NMU: variants seen among roughly 807,000 people sequenced by gnomAD.
NMU encodes the protein neuromedin U.
A neutral mutation model predicts 35.4 loss-of-function variants in NMU; 29 were observed. The ratio of observed to expected loss-of-function variants is 0.82; its 90% CI spans 0.61 to 1.12. The LOEUF (loss-of-function observed/expected upper bound fraction) is 1.12. Ranked by LOEUF, NMU falls within the 50% of genes most tolerant of loss-of-function variation. The pLI, the probability that NMU is intolerant of heterozygous loss-of-function variation, is 0.00. For missense variants in NMU, 199 were observed against 206.2 expected (o/e 0.97, Z 0.21); for synonymous variants, 78 against 81.3 (o/e 0.96, Z 0.22).
Position 55,636,024 on chromosome 4 carries a change from T to G in NMU, c.112+57A>C. ...AAAGAGGGTGGAGGAGAGCGGTGAGTGGAGCCAGAGAGAGGCGCGCATGGC... is the reference window on the plus strand; with the variant it reads ...AAAGAGGGTGGAGGAGAGCGGTGAGGGGAGCCAGAGAGAGGCGCGCATGGC... On this transcript the variant is annotated intron_variant, in intron 1 of 9. Coordinates refer to ENST00000264218, the MANE Select transcript of NMU (RefSeq NM_006681.4). This position sits in a 1 kb window ranked among gnomAD's most constrained non-coding sequence, Gnocchi z 4.0. 2 of 1,532,522 alleles carry G rather than the reference T, an allele frequency of 1.3e-6. No homozygotes were observed. The highest frequency in any genetic ancestry group is 1.7e-6 in the Non-Finnish European group (2 of 1,146,056). 94.9% of individuals were successfully genotyped at this position (1,532,522 alleles called of 1,614,324 possible). A position where few individuals can be genotyped will look rare whatever the true frequency, so the allele number is the denominator to read the frequency against.
At chr4:55,612,658 T>G (rs1451191881) in intron 3 of NMU, among the ~76,000 whole-genome samples, 1 of 152,222 alleles carries the variant, frequency 6.6e-6, no homozygotes, top group Non-Finnish European at 1.5e-5. Flanking sequence ...GAAAACAGTT[T>G]CTAAGCTGGA....
chr4:55,616,490 A>G, intron 2 of NMU, 105 bp from the exon 3 acceptor site: 1 of 874,754 alleles, frequency 1.1e-6, no homozygotes, highest in Non-Finnish European at 1.9e-6. Context: ...CCACAGTTCC[A>G]TGATAGTTTA....
chr4:55,599,171 C>T lies in NMU; in HGVS notation c.500G>A (p.Gly167Glu). 1 of 1,606,466 alleles carries T rather than the reference C, an allele frequency of 6.2e-7. No homozygotes were observed. Among genetic ancestry groups the T allele is most frequent in the East Asian group, 2.2e-5 (1 of 44,758 alleles). ...RGYFLFRPRNGRRSAGFI is the reference protein window; with the variant it reads ...RGYFLFRPRNERRSAGFI ...TTAAATGAACCCTGCTGACCTTCTT[C>T]CATTCCGTGGCTGAAAAATAATAGA... The change falls in exon 9 of 10, where the codon GGA becomes GAA. Residue 167 changes from glycine to glutamate, a missense_variant. Gly to Glu is a moderately conservative substitution (Grantham distance 98). Transcript: ENST00000264218.
At chr4:55,619,716 A>G (rs1254272443) in intron 2 of NMU, among the ~76,000 whole-genome samples, 2 of 136,448 alleles carry the variant, frequency 1.5e-5, no homozygotes, top group Admixed American at 7.6e-5. Context: ...GGGGCAGGGC[A>G]CAGACAAACA....
At chr4:55,607,537 A>G (rs1351083018) in intron 4 of NMU, 71 bp from the exon 5 acceptor site, 4 of 561,458 alleles carry the variant, frequency 7.1e-6, no homozygotes, top group African/African-American at 1.9e-5. Flanking sequence ...CAGTAATTTT[A>G]TAATGTTATA....
intron 2 of NMU, among the ~76,000 whole-genome samples, chr4:55,618,070 T>C (rs567424193): frequency 2.7e-4 from 41 of 152,304 alleles, no homozygotes; most frequent in Admixed American, 1.1e-3. Context: ...CTCTAATGGT[T>C]TTGAATGCCA....
At chr4:55,615,410 T>C (rs754549546) in intron 3 of NMU, among the ~76,000 whole-genome samples, 12 of 152,182 alleles carry the variant, frequency 7.9e-5, no homozygotes, top group Non-Finnish European at 1.6e-4. Context: ...AGAGTCACTG[T>C]CTGGGACTTG....
chr4:55,619,919 A>T (rs78688267), intron 2 of NMU, among the ~76,000 whole-genome samples: 16 of 118,274 alleles, frequency 1.4e-4, no homozygotes, highest in East Asian at 1.1e-3. Context: ...ACACCTCACA[A>T]GGCAGGGTAT....
chr4:55,626,006 A>G (rs1395095783), intron 2 of NMU, among the ~76,000 whole-genome samples: 13 of 152,134 alleles, frequency 8.5e-5, no homozygotes, highest in African/African-American at 2.9e-4. Flanking sequence ...CTGTGGGAGA[A>G]TATCTTTGGG....
Position 55,636,091 on chromosome 4 carries a change from G to A in NMU, c.102C>T (p.Gly34=), listed in dbSNP as rs1324517162. The change falls in exon 1 of 10, where the codon GGC becomes GGT. Residue 34 remains glycine (G), a synonymous_variant. Transcript: ENST00000264218. The surrounding 1 kb of genome is among the most constrained non-coding windows in gnomAD (Gnocchi z 4.0). ...LLLLLLAWCA[G]ACRGAPILPQ... Reference sequence around the variant, plus strand: ...GCGGGGCCGTCTTACCTCGGCAGGCGCCCGCGCACCAGGCGAGCAGCAGCA... The same window carrying A: ...GCGGGGCCGTCTTACCTCGGCAGGCACCCGCGCACCAGGCGAGCAGCAGCA... 1.1e-5 allele frequency: 17 copies of A among 1,529,628 alleles called. No individual in the cohort carries two copies. Among genetic ancestry groups the A allele is most frequent in the Non-Finnish European group, 1.5e-5 (17 of 1,144,468 alleles). 94.8% of individuals were successfully genotyped at this position (1,529,628 alleles called of 1,614,324 possible). A position where few individuals can be genotyped will look rare whatever the true frequency, so the allele number is the denominator to read the frequency against.
intron 1 of NMU, among the ~76,000 whole-genome samples, chr4:55,633,536 T>C (rs1013856725): frequency 2.0e-5 from 3 of 152,194 alleles, no homozygotes; most frequent in African/African-American, 7.2e-5. Flanking sequence ...ATAAAAACTG[T>C]ACTGTTTTTG....
chr4:55,597,579 G>C (rs1271689857), intron 9 of NMU, among the ~76,000 whole-genome samples: 1 of 152,062 alleles, frequency 6.6e-6, no homozygotes, highest in East Asian at 1.9e-4. Flanking sequence ...TGTTGGTCAG[G>C]CTGGTCAGGC....
intron 2 of NMU, among the ~76,000 whole-genome samples, chr4:55,624,158 A>C (rs1734424131): frequency 6.7e-6 from 1 of 150,188 alleles, no homozygotes; most frequent in Non-Finnish European, 1.5e-5. Context: ...AAAAGCCAAA[A>C]TTGACAAATG....
chr4:55,599,240 T>C (rs1733326535), intron 8 of NMU, 59 bp from the exon 9 acceptor site: 4 of 1,322,086 alleles, frequency 3.0e-6, no homozygotes, highest in Non-Finnish European at 3.3e-6. Context: ...CTAACAGTCA[T>C]AGAAACAGAT....
At chr4:55,636,402 T>A, upstream of NMU, 1 of 675,708 alleles carries the variant, frequency 1.5e-6, no homozygotes, top group Non-Finnish European at 2.2e-6. The surrounding 1 kb of genome is among the most constrained non-coding windows in gnomAD (Gnocchi z 4.0). Context: ...CCGGCCTACC[T>A]CGCCTCACCC....
At chr4:55,618,738 CTTTT>C (rs1309087367) in intron 2 of NMU, among the ~76,000 whole-genome samples, 1 of 134,756 alleles carries the variant, frequency 7.4e-6, no homozygotes, top group African/African-American at 2.7e-5. Flanking sequence ...TTCTTTCTTT[CTTTT>C]TCTTCTCTTT....
intron 2 of NMU, among the ~76,000 whole-genome samples, chr4:55,617,621 TG>T (rs561849736): frequency 7.2e-4 from 109 of 151,088 alleles, no homozygotes; most frequent in African/African-American, 2.3e-3. Flanking sequence ...ATTAAACTTG[TG>T]GGGGGGAAAA....
intron 4 of NMU, among the ~76,000 whole-genome samples, chr4:55,608,292 C>T (rs376300106): frequency 6.6e-6 from 1 of 151,168 alleles, no homozygotes; most frequent in Non-Finnish European, 1.5e-5. Flanking sequence ...TTTCTTTTAT[C>T]TTAATTAGGA....
chr4:55,600,392 G>C (rs1577932116), intron 8 of NMU, 130 bp downstream of exon 8: 1 of 664,646 alleles, frequency 1.5e-6, no homozygotes, highest in Non-Finnish European at 2.7e-6. Context: ...GTGAATGTCA[G>C]ACTGTAACAC....
Sources: allele counts gnomAD v4.1 joint callset (sites outside exome capture counted in the v4.1 genomes callset), GRCh38; gene constraint gnomAD v4.1.1; non-coding constraint Gnocchi (gnomAD v3.1); transcripts MANE v1.5; gene names NCBI Gene and HGNC (gene_info 2026-07-23, HGNC 2026-07-21).